The following TTC7A variants were observed in gnomAD, a reference collection of about 807,000 sequenced individuals.
The protein encoded by TTC7A is tetratricopeptide repeat domain 7A, also known as tetratricopeptide repeat protein 7A.
Under a neutral mutation model 103.7 loss-of-function variants are expected in TTC7A, and 110 were observed. The ratio of observed to expected loss-of-function variants is 1.06; its 90% confidence interval spans 0.91 to 1.24. TTC7A has a LOEUF of 1.24. Among genes scored for constraint, TTC7A ranks in the 50% most tolerant of loss-of-function variants. The probability of loss-of-function intolerance (pLI) is 0.00; values close to 1 mark genes in which losing one functional copy is unlikely to be tolerated. For synonymous variants in TTC7A, 521 were observed against 467.9 expected (o/e 1.11, Z -1.47); for missense variants, 1,340 against 1,116.3 (o/e 1.20, Z -2.86).
chr2:46,925,565 A>T (rs981511071), intron 2 of TTC7A, among the ~76,000 whole-genome samples: 4 of 152,098 alleles, frequency 2.6e-5, no homozygotes, highest in Admixed American at 2.6e-4. Context: ...ATAAATAAAT[A>T]AATAATATGT....
At chr2:46,958,888 G>A (rs1294743195) in intron 3 of TTC7A, among the ~76,000 whole-genome samples, 1 of 152,196 alleles carries the variant, frequency 6.6e-6, no homozygotes, top group Non-Finnish European at 1.5e-5. Context: ...TGAGCATGAG[G>A]GTGGTGGCAG....
At chr2:46,924,307 G>A (rs1364997868) in intron 2 of TTC7A, among the ~76,000 whole-genome samples, 1 of 150,942 alleles carries the variant, frequency 6.6e-6, no homozygotes, top group Admixed American at 6.6e-5. Flanking sequence ...CTTGGTATCA[G>A]CTCATCAACA....
rs189682662 is a variant in TTC7A at position 47,026,016 on chromosome 2, A to G, written c.1641+1657A>G. On this transcript the variant is annotated intron_variant, in intron 14 of 19. Transcript: ENST00000319190. The stretch of plus-strand genomic sequence containing the variant: ...CTGTTCAGTTATTCATCCCTCTCTG[A>G]TGAATAGCATCCATCCTCCTAGAGA... Among the ~76,000 whole-genome samples the G allele has an allele frequency of 9.4e-4, 143 of 152,292 alleles. 1 individual carries two copies. Among genetic ancestry groups the G allele is most frequent in the African/African-American group, 3.2e-3 (133 of 41,562 alleles).
intron 16 of TTC7A, chr2:47,047,297 C>G: frequency 6.5e-7 from 1 of 1,549,868 alleles, no homozygotes; most frequent in Non-Finnish European, 8.7e-7. Context: ...CTTCCAGACT[C>G]CCCAGAGGAA....
intron 18 of TTC7A, among the ~76,000 whole-genome samples, chr2:47,060,455 T>C (rs2570514): frequency 6.6e-6 from 1 of 151,974 alleles, no homozygotes; most frequent in African/African-American, 2.4e-5. Context: ...TAACAAAGGA[T>C]ACCCTGTCTC....
intron 2 of TTC7A, among the ~76,000 whole-genome samples, chr2:46,920,125 G>T (rs1669023086): frequency 6.6e-6 from 1 of 152,188 alleles, no homozygotes; most frequent in Admixed American, 6.5e-5. Context: ...CACTCCTAAT[G>T]AAAAGTCTGA....
chr2:46,943,775 T>G (rs1670678406), intron 1 of TTC7A, among the ~76,000 whole-genome samples: 1 of 152,158 alleles, frequency 6.6e-6, no homozygotes, highest in African/African-American at 2.4e-5. Context: ...CTCTTACAAG[T>G]CAGTGATCTG....
intron 2 of TTC7A, among the ~76,000 whole-genome samples, chr2:46,935,996 C>T (rs977698125): frequency 8.6e-5 from 13 of 152,042 alleles, no homozygotes; most frequent in African/African-American, 3.1e-4. Context: ...GAGGCTGAGG[C>T]TGGAGGATGG....
intron 3 of TTC7A, among the ~76,000 whole-genome samples, chr2:46,957,448 G>A (rs1298300887): frequency 1.3e-5 from 2 of 152,258 alleles, no homozygotes; most frequent in Admixed American, 1.3e-4. Flanking sequence ...CCCAGAGCAG[G>A]TGCTGGATGC....
chr2:47,036,891 G>A (rs1019232293), intron 15 of TTC7A, among the ~76,000 whole-genome samples: 2 of 152,206 alleles, frequency 1.3e-5, no homozygotes, highest in Non-Finnish European at 2.9e-5. Context: ...TAACATGGGT[G>A]AGAGACCATG....
At chr2:47,013,451 T>C (rs554379744) in intron 11 of TTC7A, among the ~76,000 whole-genome samples, 13 of 152,280 alleles carry the variant, frequency 8.5e-5, no homozygotes, top group Admixed American at 5.2e-4. Flanking sequence ...TGCTTGCTCC[T>C]AGGGCTTCTG....
chr2:46,961,784 A>G (rs1207419304), intron 3 of TTC7A, among the ~76,000 whole-genome samples: 1 of 151,522 alleles, frequency 6.6e-6, no homozygotes, highest in African/African-American at 2.4e-5. Flanking sequence ...TCATGGTGGC[A>G]TGCACCTGTA....
chr2:46,990,277 G>GCTGGC (rs1368133154), intron 5 of TTC7A, among the ~76,000 whole-genome samples: 1 of 152,208 alleles, frequency 6.6e-6, no homozygotes, highest in Non-Finnish European at 1.5e-5. Context: ...TGTCCCCTTA[G>GCTGGC]CTGGCCTGGC....
rs1682891616 is a variant in TTC7A, at chr2:47,051,895, C to G, written c.2152+15C>G. The G allele has an allele frequency of 5.6e-6, 9 of 1,598,440 alleles. No individual in the cohort carries two copies. The highest frequency in any genetic ancestry group is 1.3e-5 in the African/African-American group (1 of 74,576). ...GCTGCAGGCTGGTGAGTGCCCTGGT[C>G]CCAGTGACACACACAGCCTGTCTGC... is the stretch of plus-strand genomic sequence containing the variant. On this transcript the variant is annotated intron_variant, in intron 18 of 19. Transcript: ENST00000319190.
intron 2 of TTC7A, among the ~76,000 whole-genome samples, chr2:46,921,301 A>G (rs1669090219): frequency 2.0e-5 from 3 of 152,214 alleles, no homozygotes; most frequent in African/African-American, 4.8e-5. Context: ...TACTAGAGCT[A>G]TTGATTTAGC....
chr2:46,948,848 T>G (rs1273750165), intron 1 of TTC7A, among the ~76,000 whole-genome samples: 1 of 152,208 alleles, frequency 6.6e-6, no homozygotes, highest in East Asian at 1.9e-4. Flanking sequence ...CCTGTAGATC[T>G]GAGAACACTG....
At chr2:46,974,816 G>C (rs1029161165) in intron 3 of TTC7A, 157 bp from the exon 4 acceptor site, 2 of 1,002,182 alleles carry the variant, frequency 2.0e-6, no homozygotes, top group African/African-American at 3.2e-5. Context: ...CACCACCGTC[G>C]CTTCAGCTTC....
intron 15 of TTC7A, among the ~76,000 whole-genome samples, chr2:47,041,246 A>G (rs565620721): frequency 1.3e-5 from 2 of 152,324 alleles, no homozygotes; most frequent in South Asian, 2.1e-4. Flanking sequence ...CCCACACTGC[A>G]GCTATGGGGA....
At chr2:47,060,101 T>G (rs1683642514) in intron 18 of TTC7A, among the ~76,000 whole-genome samples, 1 of 152,138 alleles carries the variant, frequency 6.6e-6, no homozygotes, top group African/African-American at 2.4e-5. Context: ...AAGGCTGCAG[T>G]GAGGCCAGGC....
Sources: allele counts gnomAD v4.1 joint callset (sites outside exome capture counted in the v4.1 genomes callset), GRCh38; gene constraint gnomAD v4.1.1; transcripts MANE v1.5; gene names NCBI Gene and HGNC (gene_info 2026-07-23, HGNC 2026-07-21).